Variants in DACT2 observed in about 807,000 individuals in gnomAD.
DACT2 encodes the protein dishevelled binding antagonist of beta catenin 2, also known as dapper homolog 2.
In DACT2, 20 loss-of-function variants were observed where a neutral mutation model predicts 22.2. That is an observed-to-expected ratio of 0.90 (90% CI 0.63 to 1.31). DACT2 has a LOEUF of 1.31. Among genes scored for constraint, DACT2 ranks in the 50% most tolerant of loss-of-function variants. The probability of loss-of-function intolerance (pLI) is 0.00; values close to 1 mark genes in which losing one functional copy is unlikely to be tolerated. For missense variants in DACT2, 1,048 were observed against 1,061.4 expected, an observed-to-expected ratio of 0.99 and a Z score of 0.18; for synonymous variants, 463 against 479.8, an observed-to-expected ratio of 0.96 and a Z score of 0.46.
chr6:168,301,071 A>C (rs1278869963), intron 3 of DACT2, among the ~76,000 whole-genome samples: 4 of 152,242 alleles, frequency 2.6e-5, no homozygotes, highest in East Asian at 3.8e-4. Context: ...GATGAAGAAG[A>C]AGCGCCATGG....
Position 168,319,681 on chromosome 6 carries a change from G to C in DACT2, c.-48C>G. On this transcript the variant is annotated 5_prime_UTR_variant, in exon 1 of 4. Transcript: ENST00000366795. ...CCCGAACCCCACGAGCGGCGCCGGA[G>C]GCCCAGCGCGCGCGGATCCCGAGCT... The C allele has an allele frequency of 8.4e-7, 1 of 1,196,352 alleles. No homozygotes were observed. Among genetic ancestry groups the C allele is most frequent in the Non-Finnish European group, 1.0e-6 (1 of 964,206 alleles). 74.1% of individuals were successfully genotyped at this position (1,196,352 alleles called of 1,614,324 possible). A position where few individuals can be genotyped will look rare whatever the true frequency, so the allele number is the denominator to read the frequency against.
rs1251890998 is a variant in DACT2, at chr6:168,308,061, G to C, written c.1696C>G (p.Leu566Val). 3.9e-6 allele frequency: 6 copies of C among 1,547,546 alleles called. No homozygotes were observed. The highest frequency in any genetic ancestry group is 5.2e-6 in the Non-Finnish European group (6 of 1,144,736). Reference sequence around the variant, plus strand: ...GGGACGAGGACAGGCATGGGGTAGAGGGTGGACTCAGAACAGGAGCGCCCG... The same window carrying C: ...GGGACGAGGACAGGCATGGGGTAGACGGTGGACTCAGAACAGGAGCGCCCG... ...APGRSCSEST[L>V]YPMPVLVPLA... The change falls in exon 4 of 4, where the codon CTC (leucine) becomes GTC (valine). Residue 566 changes from leucine (L) to valine (V), a missense_variant. By Grantham distance (32) the Leu-to-Val change is conservative (BLOSUM62 1). Transcript: ENST00000366795.
At chr6:168,311,548 A>ACACACC (rs760504807) in intron 1 of DACT2, among the ~76,000 whole-genome samples, 2,779 of 79,534 alleles carry the variant, frequency 0.035, 46 homozygotes, top group Non-Finnish European at 0.044. Context: ...ATCCACACAC[A>ACACACC]CATACACACA....
intron 3 of DACT2, among the ~76,000 whole-genome samples, chr6:168,297,873 C>A (rs1779034028): frequency 6.6e-6 from 1 of 152,240 alleles, no homozygotes; most frequent in Non-Finnish European, 1.5e-5. Context: ...ACGGGGCAGA[C>A]ACGGGCGTGT....
At chr6:168,295,964 A>G (rs971998655) in intron 3 of DACT2, among the ~76,000 whole-genome samples, 18 of 152,222 alleles carry the variant, frequency 1.2e-4, no homozygotes, top group Non-Finnish European at 2.2e-4. Flanking sequence ...GCCAGTGGGA[A>G]AGAGCAGATC....
chr6:168,307,583 G>A lies in DACT2; in HGVS notation c.2174C>T (p.Ala725Val), dbSNP rs761233827. The change falls in exon 4 of 4, where the codon GCG becomes GTG. Residue 725 changes from alanine (A) to valine (V), a missense_variant. Transcript: ENST00000366795. This position sits in a 1 kb window ranked among gnomAD's most constrained non-coding sequence, Gnocchi z 5.3. ...LALGYVAAGHAELAWTQEAPV... is the reference protein window; with the variant it reads ...LALGYVAAGHVELAWTQEAPV... ...GGCCTCCTGGGTCCAGGCCAGCTCC[G>A]CATGCCCGGCCGCCACATAGCCCAG... 4.8e-5 allele frequency: 74 copies of A among 1,549,732 alleles called. No homozygotes were observed. The highest frequency in any genetic ancestry group is 3.9e-4 in the East Asian group (16 of 40,866).
intron 1 of DACT2, among the ~76,000 whole-genome samples, chr6:168,314,625 G>C (rs1385254198): frequency 6.6e-6 from 1 of 152,208 alleles, no homozygotes; most frequent in African/African-American, 2.4e-5. Flanking sequence ...TCCCTGTGCT[G>C]TGCCTTTTCC....
chr6:168,294,813 A>C (rs1778981718), intron 3 of DACT2: 1 of 421,134 alleles, frequency 2.4e-6, no homozygotes, highest in Non-Finnish European at 4.0e-6. Context: ...CTTAGATTTT[A>C]TAACACTGGC....
intron 1 of DACT2, among the ~76,000 whole-genome samples, chr6:168,314,972 A>G (rs1476871637): frequency 6.6e-6 from 1 of 152,176 alleles, no homozygotes; most frequent in Admixed American, 6.5e-5. Flanking sequence ...CGTGGCCCTG[A>G]GCAAGTTCTC....
intron 1 of DACT2, among the ~76,000 whole-genome samples, chr6:168,312,768 G>A (rs978433366): frequency 1.3e-5 from 2 of 152,184 alleles, no homozygotes; most frequent in Admixed American, 6.5e-5. Context: ...GAGTTCCCCT[G>A]AGCCCCATAA....
exon 6 of DACT2, chr6:168,293,095 G>A (rs1383675828): frequency 2.0e-5 from 3 of 152,202 alleles, no homozygotes; most frequent in African/African-American, 4.8e-5. Context: ...GGGTGGCCAC[G>A]TGGGTTTGGT....
chr6:168,311,250 G>T lies in DACT2; in HGVS notation c.281C>A (p.Thr94Asn). Reference protein sequence around the residue: ...RLRQQDIGLKTHLDQLDLQIS... With the variant: ...RLRQQDIGLKNHLDQLDLQIS... The stretch of plus-strand genomic sequence containing the variant: ...CTGCAGGTCCAGCTGGTCCAGGTGG[G>T]TCTTCAGGCCGATGTCCTGTTGTCT... The change falls in exon 2 of 4, where the codon ACC becomes AAC. Residue 94 changes from threonine to asparagine, a missense_variant. Physicochemically the swap from Thr to Asn is moderately conservative, Grantham distance 65. Coordinates refer to ENST00000366795, the MANE Select transcript of DACT2 (RefSeq NM_214462.5). 1 of 1,550,746 alleles carries T rather than the reference G, an allele frequency of 6.4e-7. No individual in the cohort carries two copies. Among genetic ancestry groups the T allele is most frequent in the Non-Finnish European group, 8.7e-7 (1 of 1,146,022 alleles).
Position 168,310,395 on chromosome 6 carries a change from G to T in DACT2, c.431C>A (p.Ala144Asp). 1 of 1,551,588 alleles carries T rather than the reference G, an allele frequency of 6.4e-7. No individual in the cohort carries two copies. Among genetic ancestry groups the T allele is most frequent in the South Asian group, 1.2e-5 (1 of 84,028 alleles). The change falls in exon 3 of 4, where the codon GCC (alanine) becomes GAC (aspartate). Residue 144 changes from alanine to aspartate, a missense_variant. Coordinates refer to ENST00000366795, the MANE Select transcript of DACT2 (RefSeq NM_214462.5). ...AGAGATGTGGTCACTGCAGACGGAG[G>T]CACAGGACGTGGACAGGGAGCAGGA... The part of the protein sequence containing the change: ...GGSCSLSTSC[A>D]SVCSDHISPS...
intron 1 of DACT2, among the ~76,000 whole-genome samples, chr6:168,311,597 T>A (rs111975313): frequency 3.4e-4 from 34 of 100,410 alleles, no homozygotes; most frequent in South Asian, 1.3e-3. Flanking sequence ...CACACACACA[T>A]ACACACACAC....
chr6:168,314,305 T>C (rs901759961), intron 1 of DACT2, among the ~76,000 whole-genome samples: 1 of 152,126 alleles, frequency 6.6e-6, no homozygotes, highest in Non-Finnish European at 1.5e-5. Flanking sequence ...GGGGCATCTA[T>C]GCCAAACCCC....
At chr6:168,315,391 G>A (rs775498567) in intron 1 of DACT2, among the ~76,000 whole-genome samples, 5 of 152,098 alleles carry the variant, frequency 3.3e-5, no homozygotes, top group African/African-American at 4.8e-5. Context: ...TCTTGGGAAC[G>A]ACAAGTTTCC....
At chr6:168,292,997 T>G (rs1254483519) in exon 6 of DACT2, 5 of 152,136 alleles carry the variant, frequency 3.3e-5, no homozygotes, top group African/African-American at 1.2e-4. Context: ...AAAAAAAAAT[T>G]TACAACCTAA....
At chr6:168,309,401 C>CAGGGTG (rs200812097) in intron 3 of DACT2, among the ~76,000 whole-genome samples, 5 of 57,244 alleles carry the variant, frequency 8.7e-5, no homozygotes, top group East Asian at 3.4e-3. Context: ...CATCTAGACA[C>CAGGGTG]CGCACAGGGC....
At chr6:168,296,664 C>G (rs925063234) in intron 3 of DACT2, among the ~76,000 whole-genome samples, 1 of 152,360 alleles carries the variant, frequency 6.6e-6, no homozygotes, top group Middle Eastern at 3.4e-3. Flanking sequence ...GCAAGTATCA[C>G]GGGCACCTCC....
Sources: allele counts gnomAD v4.1 joint callset (sites outside exome capture counted in the v4.1 genomes callset), GRCh38; gene constraint gnomAD v4.1.1; non-coding constraint Gnocchi (gnomAD v3.1); transcripts MANE v1.5; gene names NCBI Gene and HGNC (gene_info 2026-07-23, HGNC 2026-07-21).